The following DLG2 variants were observed in gnomAD, a reference collection of about 807,000 sequenced individuals.
The protein encoded by DLG2 is disks large homolog 2.
In DLG2, 45 loss-of-function variants were observed where a neutral mutation model predicts 132.5. The observed-to-expected ratio is 0.34, with a 90% CI of 0.27 to 0.44. DLG2 has a LOEUF of 0.44. DLG2 is among the 20% of genes least tolerant of loss of function. DLG2 has a pLI of 1.00. For synonymous variants in DLG2, 424 were observed against 419.6 expected, an observed-to-expected ratio of 1.01 and a Z score of -0.13; for missense variants, 1,045 against 1,196.9, an observed-to-expected ratio of 0.87 and a Z score of 1.87.
intron 9 of DLG2, among the ~76,000 whole-genome samples, chr11:84,162,934 G>C (rs903772012): frequency 6.6e-6 from 1 of 152,032 alleles, no homozygotes; most frequent in Non-Finnish European, 1.5e-5. Flanking sequence ...TATTAGGGTT[G>C]TGTTGCACAG....
chr11:85,535,949 C>A (rs2153197494), intron 3 of DLG2, among the ~76,000 whole-genome samples: 1 of 150,066 alleles, frequency 6.7e-6, no homozygotes, highest in African/African-American at 2.4e-5. Flanking sequence ...AGTGTGGTGG[C>A]TCATGCCTGT....
intron 6 of DLG2, among the ~76,000 whole-genome samples, chr11:85,107,473 A>T (rs2071958387): frequency 1.3e-5 from 2 of 152,030 alleles, no homozygotes; most frequent in Admixed American, 1.3e-4. Flanking sequence ...ATATGCTCTA[A>T]AATGCAGCAG....
intron 3 of DLG2, among the ~76,000 whole-genome samples, chr11:85,427,376 G>C (rs919299133): frequency 6.6e-6 from 1 of 152,226 alleles, no homozygotes; most frequent in Non-Finnish European, 1.5e-5. Context: ...CAGCCAGAGA[G>C]AAAGGTCAGG....
At chr11:84,593,494 G>A (rs1017925822) in intron 6 of DLG2, among the ~76,000 whole-genome samples, 1 of 152,148 alleles carries the variant, frequency 6.6e-6, no homozygotes, top group Non-Finnish European at 1.5e-5. Flanking sequence ...TCCTTTGTGT[G>A]CAGGGACATG....
intron 7 of DLG2, among the ~76,000 whole-genome samples, chr11:84,468,615 T>G (rs1366191419): frequency 6.6e-6 from 1 of 151,588 alleles, no homozygotes; most frequent in African/African-American, 2.4e-5. Context: ...ACTTTCAATT[T>G]TGTCCATAAC....
intron 6 of DLG2, among the ~76,000 whole-genome samples, chr11:85,044,282 T>G (rs2062118036): frequency 6.6e-6 from 1 of 152,062 alleles, no homozygotes; most frequent in Non-Finnish European, 1.5e-5. Context: ...TATTAACTTT[T>G]TGTCTCCTCC....
At chr11:83,818,114 T>C (rs2153976084) in intron 17 of DLG2, among the ~76,000 whole-genome samples, 1 of 152,254 alleles carries the variant, frequency 6.6e-6, no homozygotes, top group Middle Eastern at 3.4e-3. Flanking sequence ...CAGGTTGTCC[T>C]GAGTAACTGA....
intron 11 of DLG2, among the ~76,000 whole-genome samples, chr11:84,044,646 T>C (rs1000408329): frequency 6.6e-6 from 1 of 151,768 alleles, no homozygotes; most frequent in African/African-American, 2.4e-5. Flanking sequence ...TTGCATCTAA[T>C]TGGAGAAATT....
intron 18 of DLG2, chr11:83,646,792 A>G (rs2068324997): frequency 6.6e-6 from 1 of 152,020 alleles, no homozygotes. Flanking sequence ...GTCCTCCTAG[A>G]ACTGAACATG....
intron 6 of DLG2, among the ~76,000 whole-genome samples, chr11:84,958,488 G>C (rs1266166720): frequency 1.3e-5 from 2 of 152,144 alleles, no homozygotes; most frequent in East Asian, 3.9e-4. Context: ...TTTGCCTCTG[G>C]GTTGTTTGTG....
In DLG2 at chr11:84,642,734, G is replaced by T. The variant is rs540477806; in HGVS notation, c.358-108003C>A. On this transcript the variant is annotated intron_variant, in intron 6 of 27. Transcript: ENST00000376104. Reference sequence around the variant, plus strand: ...GACAGTTTTACCTCCTAGCTGGAATGAAGTAGAGAGGGAGACTAAGTGCTT... The same window carrying T: ...GACAGTTTTACCTCCTAGCTGGAATTAAGTAGAGAGGGAGACTAAGTGCTT... 2.0e-5 allele frequency among the ~76,000 whole-genome samples: 3 copies of T among 152,280 alleles called. No individual in the cohort carries two copies. In the South Asian group the frequency reaches 6.2e-4, roughly 32 times the overall value.
chr11:83,567,969 C>T (rs902350034), intron 19 of DLG2, among the ~76,000 whole-genome samples: 2 of 152,246 alleles, frequency 1.3e-5, no homozygotes, highest in Middle Eastern at 3.4e-3. Context: ...GACTCTTTCT[C>T]TCCATATGCA....
chr11:83,518,950 G>A (rs2095391529), intron 21 of DLG2, among the ~76,000 whole-genome samples: 1 of 152,206 alleles, frequency 6.6e-6, no homozygotes. Flanking sequence ...ACAGCTATCT[G>A]CTGACAGTGC....
intron 6 of DLG2, among the ~76,000 whole-genome samples, chr11:84,947,976 C>T (rs574476796): frequency 3.3e-5 from 5 of 152,248 alleles, no homozygotes; most frequent in South Asian, 2.1e-4. Context: ...TGTACTGGGC[C>T]GTTAGGTAGC....
chr11:85,519,306 G>A (rs1448319622), intron 3 of DLG2, among the ~76,000 whole-genome samples: 1 of 152,196 alleles, frequency 6.6e-6, no homozygotes, highest in Non-Finnish European at 1.5e-5. Flanking sequence ...AAAACCACAG[G>A]GGCAGAGATG....
At chr11:85,090,974 CAA>C (rs996906056) in intron 6 of DLG2, among the ~76,000 whole-genome samples, 2 of 152,114 alleles carry the variant, frequency 1.3e-5, no homozygotes, top group African/African-American at 4.8e-5. Flanking sequence ...AAAGAGGAAA[CAA>C]AGAGAGACAG....
intron 6 of DLG2, among the ~76,000 whole-genome samples, chr11:84,570,867 C>CT (rs1420083862): frequency 6.6e-6 from 1 of 152,136 alleles, no homozygotes; most frequent in Non-Finnish European, 1.5e-5. Flanking sequence ...GCATTTTATT[C>CT]TATTCATTTC....
At chr11:83,889,530 A>G (rs1012315962) in intron 15 of DLG2, among the ~76,000 whole-genome samples, 2 of 152,208 alleles carry the variant, frequency 1.3e-5, no homozygotes, top group African/African-American at 4.8e-5. Context: ...TAGTTCAACC[A>G]TTGTGGAAGT....
In DLG2 at chr11:85,186,553, T is replaced by C. The variant is rs143675311; in HGVS notation, c.187-31902A>G. On this transcript the variant is annotated intron_variant, in intron 4 of 27. Coordinates refer to ENST00000376104, the MANE Select transcript of DLG2 (RefSeq NM_001142699.3). ...ATGGAGAATTTTAGATTTGTATTTA[T>C]AGAATGACCCAATTTACCTTTATGG... Among the ~76,000 whole-genome samples the C allele has an allele frequency of 4.7e-3, 716 of 152,250 alleles. 3 individuals are homozygous for C. The highest frequency in any genetic ancestry group is 0.016 in the African/African-American group (649 of 41,574).
Sources: allele counts gnomAD v4.1 joint callset (sites outside exome capture counted in the v4.1 genomes callset), GRCh38; gene constraint gnomAD v4.1.1; transcripts MANE v1.5; gene names NCBI Gene and HGNC (gene_info 2026-07-23, HGNC 2026-07-21).